ESPNL: variants seen among roughly 807,000 people sequenced by gnomAD.
ESPNL encodes the protein espin-like protein.
Under a neutral mutation model 46.8 loss-of-function variants are expected in ESPNL, and 49 were observed. The observed-to-expected ratio is 1.05, with a 90% CI of 0.83 to 1.33. The LOEUF (loss-of-function observed/expected upper bound fraction) is 1.33. Ranked by LOEUF, ESPNL falls within the 40% of genes most tolerant of loss-of-function variation. The pLI is 0.00. For missense variants in ESPNL, 1,540 were observed against 1,436.6 expected, an observed-to-expected ratio of 1.07 and a Z score of -1.16; for synonymous variants, 664 against 662.1, an observed-to-expected ratio of 1.00 and a Z score of -0.04.
At position 238,130,512 on chromosome 2, in the gene ESPNL, G is replaced by C. The variant is rs199652360; in HGVS notation, c.1798G>C (p.Val600Leu). 18 of 1,598,522 alleles carry C rather than the reference G, an allele frequency of 1.1e-5. No individual in the cohort carries two copies. The highest frequency in any genetic ancestry group is 5.2e-5 in the Admixed American group (3 of 58,074). ...CTGGTGCAGCCACATCTCCCGCCTG[G>C]TACGCAGCCTGTCCCTGCTGCTGAA... ...PFWCSHISRL[V>L]RSLSLLLKGV... The change falls in exon 9 of 9, where the codon GTA becomes CTA. Residue 600 changes from valine (V) to leucine (L), a missense_variant. By Grantham distance (32) the Val-to-Leu change is conservative. Coordinates refer to ENST00000343063, the MANE Select transcript of ESPNL (RefSeq NM_194312.4).
Position 238,128,843 on chromosome 2 carries a change from G to C in ESPNL, c.1352G>C (p.Arg451Pro). ...GGCCAGCCCATCCCAGAGTGGAAGC[G>C]GCAGGTGATGGTGCGGAAGCTGCAG... ...ERGQPIPEWK[R>P]QVMVRKLQAR... is the part of the protein sequence containing the mutation. The change falls in exon 8 of 9, where the codon CGG becomes CCG. Residue 451 changes from arginine to proline, a missense_variant. Arg to Pro is a moderately radical substitution (Grantham distance 103, BLOSUM62 -2). Transcript: ENST00000343063. The C allele has an allele frequency of 6.5e-7, 1 of 1,549,052 alleles. No individual in the cohort carries two copies. Among genetic ancestry groups the C allele is most frequent in the African/African-American group, 1.4e-5 (1 of 73,178 alleles).
rs1248918731 is a variant in ESPNL, at chr2:238,119,436, G to A, written c.987+2402G>A. On this transcript the variant is annotated intron_variant, in intron 5 of 8. Coordinates refer to ENST00000343063, the MANE Select transcript of ESPNL (RefSeq NM_194312.4). The stretch of plus-strand genomic sequence containing the variant: ...GATGGAGGAGGGTAGATGGAGGAGG[G>A]GAGGTGGAGGAGAGGAGGTTAGATG... 3.5e-5 allele frequency among the ~76,000 whole-genome samples: 5 copies of A among 141,290 alleles called. 1 individual carries two copies. Among genetic ancestry groups the A allele is most frequent in the African/African-American group, 5.5e-5 (2 of 36,306 alleles). The allele number at this position is 141,290 out of a possible 152,430, so 92.7% of individuals were successfully genotyped here.
intron 6 of ESPNL, among the ~76,000 whole-genome samples, chr2:238,126,929 C>CTGTGATTGTCTGTGTGTG (rs1253978416): frequency 2.5e-5 from 2 of 81,494 alleles, no homozygotes; most frequent in Non-Finnish European, 4.6e-5. Context: ...GTCTGTGTGT[C>CTGTGATTGTCTGTGTGTG]TGTGATTGTG....
Position 238,122,455 on chromosome 2 carries a change from C to G in ESPNL, c.988-2815C>G, listed in dbSNP as rs117219053. ...ATTTACAGGTGAAGAAATGGAGGCT[C>G]AGGGGGTGGCGTCCCGGGCTTCTCG... is the stretch of plus-strand genomic sequence containing the variant. On this transcript the variant is annotated intron_variant, in intron 5 of 8. Transcript: ENST00000343063. Among the ~76,000 whole-genome samples the G allele has an allele frequency of 2.5e-3, 384 of 152,278 alleles. 4 individuals are homozygous for G. Among genetic ancestry groups the G allele is most frequent in the East Asian group, 0.023 (119 of 5,178 alleles).
Position 238,130,869 on chromosome 2 carries a change from G to A in ESPNL, c.2155G>A (p.Glu719Lys), listed in dbSNP as rs768120891. ...EEASDSGISC[E>K]EVPSEAGAAA... ...GGCCAGCGACTCTGGCATCAGCTGC[G>A]AGGAGGTGCCATCAGAGGCGGGTGC... The change falls in exon 9 of 9, where the codon GAG becomes AAG. Residue 719 changes from glutamate to lysine, a missense_variant. Coordinates refer to ENST00000343063, the MANE Select transcript of ESPNL (RefSeq NM_194312.4). 68 of 1,556,408 alleles carry A rather than the reference G, an allele frequency of 4.4e-5. 1 individual carries two copies. In the Middle Eastern group the frequency reaches 6.8e-4, roughly 16 times the overall value.
In ESPNL at chr2:238,114,360, C is replaced by T. The variant is rs1287475353; in HGVS notation, c.856-2543C>T. Among the ~76,000 whole-genome samples, 1 of 152,140 alleles carries T rather than the reference C, an allele frequency of 6.6e-6. No individual in the cohort carries two copies. The highest frequency in any genetic ancestry group is 2.1e-4 in the South Asian group (1 of 4,830). On this transcript the variant is annotated intron_variant, in intron 4 of 8. Transcript: ENST00000343063. This position sits in a 1 kb window ranked among gnomAD's most constrained non-coding sequence, Gnocchi z 5.0. ...ATACTCCTGCAGACCCCGTAACTCC[C>T]CTCCTCCGCATCCTGGCCTCCTCTT...
At chr2:238,122,264 G>T (rs534834327) in intron 5 of ESPNL, among the ~76,000 whole-genome samples, 1 of 152,338 alleles carries the variant, frequency 6.6e-6, no homozygotes, top group Non-Finnish European at 1.5e-5. Flanking sequence ...CAGGGGTGTG[G>T]TTACTCCCGT....
intron 5 of ESPNL, among the ~76,000 whole-genome samples, chr2:238,118,328 AGAAGGTGGATG>A (rs1691868485): frequency 9.5e-6 from 1 of 105,024 alleles, no homozygotes; most frequent in African/African-American, 3.6e-5. Context: ...GGGTGGGTGG[AGAAGGTGGATG>A]GAGGAGGAAT....
rs1574750167 is a variant in ESPNL, at chr2:238,131,599, A to G, written c.2885A>G (p.Glu962Gly). Reference sequence around the variant, plus strand: ...GCCGCCGTCCCCTGCAGCGGCCCTGAGCCCACAGCACAGCGGCTGGGGTCC... The same window carrying G: ...GCCGCCGTCCCCTGCAGCGGCCCTGGGCCCACAGCACAGCGGCTGGGGTCC... The part of the protein sequence containing the change: ...PHAAVPCSGP[E>G]PTAQRLGSRS... The change falls in exon 9 of 9, where the codon GAG (glutamate) becomes GGG (glycine). Residue 962 changes from glutamate (E) to glycine (G), a missense_variant. Physicochemically the swap from Glu to Gly is moderately conservative, Grantham distance 98 (BLOSUM62 -2). Coordinates refer to ENST00000343063, the MANE Select transcript of ESPNL (RefSeq NM_194312.4). The G allele has an allele frequency of 3.1e-6, 5 of 1,611,762 alleles. No homozygotes were observed. Among genetic ancestry groups the G allele is most frequent in the Non-Finnish European group, 4.2e-6 (5 of 1,179,200 alleles).
intron 4 of ESPNL, among the ~76,000 whole-genome samples, chr2:238,108,529 G>T (rs548582743): frequency 6.6e-6 from 1 of 152,148 alleles, no homozygotes; most frequent in Non-Finnish European, 1.5e-5. Context: ...TCATCTAAAG[G>T]CAAGGCCCCA....
At chr2:238,116,330 G>A (rs578097890) in intron 4 of ESPNL, among the ~76,000 whole-genome samples, 4 of 152,166 alleles carry the variant, frequency 2.6e-5, no homozygotes, top group Non-Finnish European at 5.9e-5. Context: ...AGACAGGAGG[G>A]TCCTGGCCCC....
At chr2:238,126,214 G>A (rs1030407672) in intron 6 of ESPNL, among the ~76,000 whole-genome samples, 2 of 47,144 alleles carry the variant, frequency 4.2e-5, no homozygotes, top group Non-Finnish European at 9.3e-5. Flanking sequence ...GTCTCTCTGT[G>A]ATTGTGTCTG....
At chr2:238,105,952 C>T (rs950357643) in intron 3 of ESPNL, among the ~76,000 whole-genome samples, 1 of 152,132 alleles carries the variant, frequency 6.6e-6, no homozygotes, top group South Asian at 2.1e-4. Context: ...CCTTTGCATG[C>T]ACTGCACCCT....
intron 3 of ESPNL, among the ~76,000 whole-genome samples, chr2:238,105,564 T>C (rs1286321593): frequency 6.7e-6 from 1 of 148,512 alleles, no homozygotes; most frequent in Non-Finnish European, 1.5e-5. Context: ...AGGAGGGGAC[T>C]TGGGGGCAGA....
In ESPNL at chr2:238,130,311, T is replaced by C. The variant is rs1171282199; in HGVS notation, c.1597T>C (p.Leu533=). The C allele has an allele frequency of 6.2e-7, 1 of 1,606,922 alleles. No homozygotes were observed. Among genetic ancestry groups the C allele is most frequent in the Non-Finnish European group, 8.5e-7 (1 of 1,177,382 alleles). ...GGAGTATGAGAGTGAGCTGGGCCGG[T>C]TGGCGGCTGAGCTGCAGGCCCTGCT... The part of the protein sequence containing the change: ...CQEYESELGR[L]AAELQALLPE... The change falls in exon 9 of 9, where the codon TTG becomes CTG. Residue 533 remains leucine (L), a synonymous_variant. Coordinates refer to ENST00000343063, the MANE Select transcript of ESPNL (RefSeq NM_194312.4).
rs1393840662 is a variant in ESPNL at position 238,130,762 on chromosome 2, G to A, written c.2048G>A (p.Cys683Tyr). The A allele has an allele frequency of 5.1e-6, 8 of 1,559,326 alleles. No individual in the cohort carries two copies. Among genetic ancestry groups the A allele is most frequent in the Non-Finnish European group, 6.9e-6 (8 of 1,156,806 alleles). Residue 683 changes from cysteine (C) to tyrosine (Y), a missense_variant, in exon 9 of 9, where the codon TGC becomes TAC. Cys to Tyr is a radical substitution (Grantham distance 194, BLOSUM62 -2). Transcript: ENST00000343063. Reference protein sequence around the residue: ...PCEPGAQHRQCLSGCWPALPK... With the variant: ...PCEPGAQHRQYLSGCWPALPK... ...GAGCCGGGGGCCCAGCACAGGCAGTGCCTGAGTGGCTGCTGGCCAGCCCTG... is the reference window on the plus strand; with the variant it reads ...GAGCCGGGGGCCCAGCACAGGCAGTACCTGAGTGGCTGCTGGCCAGCCCTG...
chr2:238,120,114 G>A (rs1237490287), intron 5 of ESPNL, among the ~76,000 whole-genome samples: 1 of 152,170 alleles, frequency 6.6e-6, no homozygotes, highest in Admixed American at 6.5e-5. Flanking sequence ...GGCGTCCAGC[G>A]GGTCCTGGTT....
intron 5 of ESPNL, among the ~76,000 whole-genome samples, chr2:238,117,590 G>C (rs1189346248): frequency 2.0e-5 from 3 of 152,252 alleles, no homozygotes; most frequent in Non-Finnish European, 4.4e-5. Flanking sequence ...GAAGGCAGCA[G>C]ATTCCAGCCC....
At chr2:238,118,294 GGATGGAGGAGGGTA>G (rs1435941603) in intron 5 of ESPNL, among the ~76,000 whole-genome samples, 1 of 146,558 alleles carries the variant, frequency 6.8e-6, no homozygotes, top group Non-Finnish European at 1.5e-5. Flanking sequence ...GAGGAGGAAT[GGATGGAGGAGGGTA>G]GATGGAGGAG....
Sources: allele counts gnomAD v4.1 joint callset (sites outside exome capture counted in the v4.1 genomes callset), GRCh38; gene constraint gnomAD v4.1.1; non-coding constraint Gnocchi (gnomAD v3.1); transcripts MANE v1.5; gene names NCBI Gene and HGNC (gene_info 2026-07-23, HGNC 2026-07-21).